The following SLCO1A2 variants were observed in gnomAD, a reference collection of about 807,000 sequenced individuals.
SLCO1A2 encodes the protein OATP-1.
In SLCO1A2, 67 loss-of-function variants were observed where a neutral mutation model predicts 69.0. The ratio of observed to expected loss-of-function variants is 0.97; its 90% CI spans 0.80 to 1.19. The LOEUF (loss-of-function observed/expected upper bound fraction) is 1.19, where lower values mean the gene tolerates loss of function less well. SLCO1A2 is among the 50% of genes most tolerant of loss of function. SLCO1A2 has a pLI of 0.00. For synonymous variants in SLCO1A2, 260 were observed against 265.9 expected (o/e 0.98, Z 0.22); for missense variants, 787 against 793.7 (o/e 0.99, Z 0.10).
At position 21,295,808 on chromosome 12, in the gene SLCO1A2, AAAT is replaced by A; in HGVS notation, c.1076-19_1076-17del. On this transcript the variant is annotated splice_polypyrimidine_tract_variant and intron_variant, in intron 9 of 14. Transcript: ENST00000683939. Reference sequence around the variant, plus strand: ...TTATAAATACCTATAAATGCAAATAAAATATTATTTACAAAATGACTTACCAAA... The same window carrying A: ...TTATAAATACCTATAAATGCAAATAAATTATTTACAAAATGACTTACCAAA... 7.4e-7 allele frequency: 1 copy of A among 1,342,394 alleles called. No individual in the cohort carries two copies. The highest frequency in any genetic ancestry group is 1.1e-6 in the Non-Finnish European group (1 of 949,276). The allele number at this position is 1,342,394 out of a possible 1,614,324, so 83.2% of individuals were successfully genotyped here.
intron 4 of SLCO1A2, among the ~76,000 whole-genome samples, chr12:21,308,616 T>C (rs888676074): frequency 9.2e-5 from 14 of 152,106 alleles, no homozygotes; most frequent in African/African-American, 3.4e-4. Context: ...GGGTATTAAG[T>C]TAAAAAAATC....
intron 7 of SLCO1A2, among the ~76,000 whole-genome samples, 160 bp downstream of exon 7, chr12:21,301,011 T>A (rs1351055687): frequency 1.3e-5 from 2 of 152,226 alleles, no homozygotes; most frequent in African/African-American, 4.8e-5. Context: ...GTTTGGAATA[T>A]TTTAAAAGTT....
At chr12:21,373,398 C>T (rs1591894861) in intron 2 of SLCO1A2, 1 of 1,613,474 alleles carries the variant, frequency 6.2e-7, no homozygotes, top group Non-Finnish European at 8.5e-7. Context: ...CTCTCTGTTG[C>T]ATTGAACCAT....
chr12:21,321,128 G>A (rs764255249), intron 2 of SLCO1A2, among the ~76,000 whole-genome samples: 11 of 152,048 alleles, frequency 7.2e-5, no homozygotes, highest in South Asian at 2.1e-4. Context: ...ATCTTACTTC[G>A]TGACTCTCAG....
intron 12 of SLCO1A2, among the ~76,000 whole-genome samples, chr12:21,286,945 T>A (rs1945918487): frequency 2.0e-5 from 3 of 148,440 alleles, no homozygotes; most frequent in African/African-American, 7.4e-5. Context: ...AGGACATAGG[T>A]GTGGGCAAGG....
rs3060629 is a variant in SLCO1A2 at position 21,276,387 on chromosome 12, GACACAC to G, written c.1611-969_1611-964del. Among the ~76,000 whole-genome samples the G allele has an allele frequency of 3.7e-3, 529 of 141,964 alleles. 2 individuals are homozygous for G. The highest frequency in any genetic ancestry group is 8.4e-3 in the African/African-American group (331 of 39,420). The allele number at this position is 141,964 out of a possible 152,430, so 93.1% of individuals were successfully genotyped here. A position where few individuals can be genotyped will look rare whatever the true frequency, so the allele number is the denominator to read the frequency against. ...CGTAGAGATGATAGAGATAAATATG[GACACAC>G]ACACACACACACACACACACACACA... is the stretch of plus-strand genomic sequence containing the variant. On this transcript the variant is annotated intron_variant, in intron 12 of 14. Transcript: ENST00000683939.
chr12:21,319,691 C>A (rs1472391305), intron 2 of SLCO1A2: 1 of 327,842 alleles, frequency 3.1e-6, no homozygotes, highest in East Asian at 7.5e-5. Flanking sequence ...TTTATCCTTA[C>A]TGCTTGCCTA....
intron 2 of SLCO1A2, among the ~76,000 whole-genome samples, chr12:21,322,570 G>A (rs1240479176): frequency 6.6e-6 from 1 of 152,136 alleles, no homozygotes; most frequent in Non-Finnish European, 1.5e-5. Context: ...ATAATATCTG[G>A]GTTATAATAA....
At chr12:21,382,636 A>C (rs1483971261) in intron 1 of SLCO1A2, among the ~76,000 whole-genome samples, 1 of 152,040 alleles carries the variant, frequency 6.6e-6, no homozygotes, top group African/African-American at 2.4e-5. Context: ...TCTCTACAAA[A>C]ATACAAAAAT....
At chr12:21,357,551 T>C (rs1938470358) in intron 2 of SLCO1A2, among the ~76,000 whole-genome samples, 1 of 152,214 alleles carries the variant, frequency 6.6e-6, no homozygotes, top group Admixed American at 6.5e-5. Context: ...GTCATTGTTA[T>C]TTTCCCATTT....
intron 1 of SLCO1A2, among the ~76,000 whole-genome samples, chr12:21,385,463 A>G (rs545413002): frequency 6.6e-6 from 1 of 152,354 alleles, no homozygotes; most frequent in South Asian, 2.1e-4. Flanking sequence ...AATATCAACT[A>G]ACAGTTGAAG....
chr12:21,409,211 A>G (rs1000598989), intron 1 of SLCO1A2, among the ~76,000 whole-genome samples: 7 of 152,154 alleles, frequency 4.6e-5, no homozygotes, highest in Non-Finnish European at 1.0e-4. Context: ...AGATGAAGCA[A>G]CTGTTGTGGT....
chr12:21,362,844 A>T (rs965407481), intron 2 of SLCO1A2, among the ~76,000 whole-genome samples: 1 of 152,242 alleles, frequency 6.6e-6, no homozygotes, highest in Admixed American at 6.5e-5. Context: ...AGAAGAGCTA[A>T]CTATCCTAAA....
intron 2 of SLCO1A2, among the ~76,000 whole-genome samples, chr12:21,364,445 T>C (rs553534941): frequency 5.9e-5 from 9 of 152,324 alleles, no homozygotes; most frequent in African/African-American, 2.2e-4. Flanking sequence ...AATATCATAC[T>C]GAATGGGCAA....
At chr12:21,396,904 G>C (rs1025992284), upstream of SLCO1A2, among the ~76,000 whole-genome samples, 14 of 152,106 alleles carry the variant, frequency 9.2e-5, no homozygotes, top group Admixed American at 7.2e-4. Context: ...ACTGGTACCA[G>C]CTGCTGCAAA....
intron 1 of SLCO1A2, among the ~76,000 whole-genome samples, chr12:21,389,644 A>G (rs1048559972): frequency 6.6e-6 from 1 of 152,062 alleles, no homozygotes; most frequent in East Asian, 1.9e-4. Flanking sequence ...ACATGACATT[A>G]TAGTTCATAT....
intron 1 of SLCO1A2, among the ~76,000 whole-genome samples, chr12:21,392,771 G>C (rs1941226142): frequency 1.3e-5 from 2 of 152,144 alleles, no homozygotes. Context: ...TGAATATTTA[G>C]AATGCATAAA....
chr12:21,395,035 AGGAACAGCTCC>A (rs1329762892), exon 1 of SLCO1A2: 1 of 156,208 alleles, frequency 6.4e-6, no homozygotes, highest in Non-Finnish European at 1.4e-5. Context: ...ATGGCCAAAT[AGGAACAGCTCC>A]GGTGCACAGC....
chr12:21,359,840 A>G (rs1285832970), intron 2 of SLCO1A2, among the ~76,000 whole-genome samples: 1 of 152,230 alleles, frequency 6.6e-6, no homozygotes, highest in Non-Finnish European at 1.5e-5. Context: ...AGACTTGTAC[A>G]TGAATATTTG....
Sources: gnomAD v4.1 joint callset for allele counts (sites outside exome capture counted in the v4.1 genomes callset) on GRCh38, gnomAD v4.1.1 for gene constraint, MANE v1.5 for transcripts, NCBI Gene and HGNC (gene_info 2026-07-23, HGNC 2026-07-21) for gene names.